The following CANT1 variants were observed in gnomAD, a reference collection of about 807,000 sequenced individuals.
The protein encoded by CANT1 is soluble calcium-activated nucleotidase 1.
Under a neutral mutation model 30.0 loss-of-function variants are expected in CANT1, and 26 were observed. The ratio of observed to expected loss-of-function variants is 0.87; its 90% CI spans 0.64 to 1.20. The LOEUF is 1.20. Ranked by LOEUF, CANT1 falls within the 50% of genes most tolerant of loss-of-function variation. The probability of loss-of-function intolerance (pLI) is 0.00; values close to 1 mark genes in which losing one functional copy is unlikely to be tolerated. For missense variants in CANT1, 518 were observed against 563.0 expected (o/e 0.92, Z 0.81); for synonymous variants, 246 against 251.8 (o/e 0.98, Z 0.22).
chr17:79,003,098 G>A (rs2071324650), intron 1 of CANT1, among the ~76,000 whole-genome samples: 1 of 151,720 alleles, frequency 6.6e-6, no homozygotes, highest in Non-Finnish European at 1.5e-5. Context: ...GTCCCGTGTG[G>A]TCAGTGTTAC....
intron 1 of CANT1, among the ~76,000 whole-genome samples, chr17:79,003,460 TG>T (rs1057094067): frequency 1.5e-5 from 1 of 65,624 alleles, no homozygotes; most frequent in Non-Finnish European, 2.8e-5. Flanking sequence ...GGGTGGGGGG[TG>T]GGGGGGCTCT....
chr17:79,003,837 A>C (rs1405917024), intron 1 of CANT1, among the ~76,000 whole-genome samples: 1 of 150,644 alleles, frequency 6.6e-6, no homozygotes, highest in African/African-American at 2.5e-5. Context: ...TCACAGGAGG[A>C]ATAACCACCT....
intron 1 of CANT1, among the ~76,000 whole-genome samples, chr17:78,999,208 CA>C (rs140465372): frequency 0.024 from 3,705 of 152,286 alleles, 60 homozygotes; most frequent in East Asian, 0.031. Context: ...CCTAACAGCA[CA>C]GGGGGGCTGC....
rs1198229784 is a variant in CANT1 at position 78,998,814 on chromosome 17, A to G, written c.-146-851T>C. Among the ~76,000 whole-genome samples, 4 of 152,180 alleles carry G rather than the reference A, an allele frequency of 2.6e-5. No homozygotes were observed. In the South Asian group the frequency reaches 8.3e-4, roughly 31 times the overall value. ...GGTTCCATATCTCTGCCCTCCAACT[A>G]TAGCTCAGTGAATCCCGGCCTGAGA... On this transcript the variant is annotated intron_variant, in intron 1 of 4. Transcript: ENST00000392446. This position sits in a 1 kb window ranked among gnomAD's most constrained non-coding sequence, Gnocchi z 4.5.
At position 78,995,382 on chromosome 17, in the gene CANT1, C is replaced by T. The variant is rs1488556395; in HGVS notation, c.632-161G>A. 5.5e-6 allele frequency: 4 copies of T among 732,950 alleles called. No homozygotes were observed. Among genetic ancestry groups the T allele is most frequent in the Non-Finnish European group, 9.2e-6 (4 of 436,790 alleles). The allele number at this position is 732,950 out of a possible 1,614,324, so 45.4% of individuals were successfully genotyped here. A position where few individuals can be genotyped will look rare whatever the true frequency, so the allele number is the denominator to read the frequency against. On this transcript the variant is annotated intron_variant, in intron 3 of 4. Transcript: ENST00000392446. This position sits in a 1 kb window ranked among gnomAD's most constrained non-coding sequence, Gnocchi z 5.7. The stretch of plus-strand genomic sequence containing the variant: ...GCCCGCACCTGGCTCCCGCCCAGGG[C>T]CGGCCGGCTGCCCTCCCCTCAGCTC...
rs981616917 is a variant in CANT1 at position 79,008,696 on chromosome 17, G to A, written c.-147+968C>T. 6.6e-6 allele frequency among the ~76,000 whole-genome samples: 1 copy of A among 152,210 alleles called. No individual in the cohort carries two copies. Among genetic ancestry groups the A allele is most frequent in the Admixed American group, 6.5e-5 (1 of 15,280 alleles). On this transcript the variant is annotated intron_variant, in intron 1 of 4. Transcript: ENST00000392446. This position sits in a 1 kb window ranked among gnomAD's most constrained non-coding sequence, Gnocchi z 4.4. ...TGTGCCAAGCCTAGGGTACACAGAGGGCAAGGGAAAGACCATTCGGAGGGA... is the reference window on the plus strand; with the variant it reads ...TGTGCCAAGCCTAGGGTACACAGAGAGCAAGGGAAAGACCATTCGGAGGGA...
rs2071622139 is a variant in CANT1 at position 79,008,286 on chromosome 17, G to A, written c.-147+1378C>T. 1 of 152,416 alleles carries A rather than the reference G, an allele frequency of 6.6e-6. No homozygotes were observed. The highest frequency in any genetic ancestry group is 1.5e-5 in the Non-Finnish European group (1 of 68,190). 9.4% of individuals were successfully genotyped at this position (152,416 alleles called of 1,614,324 possible). On this transcript the variant is annotated intron_variant, in intron 1 of 4. Transcript: ENST00000392446. This position sits in a 1 kb window ranked among gnomAD's most constrained non-coding sequence, Gnocchi z 4.4. Reference sequence around the variant, plus strand: ...CTGAGAGGCCTGCGGTGGGGCTGCAGGGAGGGTCTGTGGTCCAGGCCTGGA... The same window carrying A: ...CTGAGAGGCCTGCGGTGGGGCTGCAAGGAGGGTCTGTGGTCCAGGCCTGGA...
At position 79,002,438 on chromosome 17, in the gene CANT1, C is replaced by T. The variant is rs1459918454; in HGVS notation, c.-146-4475G>A. 6.6e-6 allele frequency among the ~76,000 whole-genome samples: 1 copy of T among 152,236 alleles called. No individual in the cohort carries two copies. The highest frequency in any genetic ancestry group is 1.5e-5 in the Non-Finnish European group (1 of 68,040). The stretch of plus-strand genomic sequence containing the variant: ...CTACCACCCGTGGGCCAAATGCAGT[C>T]TCCCGCCTAGTGTGTAGATGCGGCC... On this transcript the variant is annotated intron_variant, in intron 1 of 4. Coordinates refer to ENST00000392446, the MANE Select transcript of CANT1 (RefSeq NM_001159773.2). The surrounding 1 kb of genome is among the most constrained non-coding windows in gnomAD (Gnocchi z 4.0).
At position 78,992,314 on chromosome 17, in the gene CANT1, G is replaced by A; in HGVS notation, c.*1236C>T. The stretch of plus-strand genomic sequence containing the variant: ...GGCACCCCTGACGATCGCGGGGTGG[G>A]GTAGGAGTGAGGGTGGGGGTCGGGG... On this transcript the variant is annotated 3_prime_UTR_variant, in exon 5 of 5. Transcript: ENST00000392446. 4.2e-6 allele frequency: 1 copy of A among 240,326 alleles called. No homozygotes were observed. 14.9% of individuals were successfully genotyped at this position (240,326 alleles called of 1,614,324 possible).
At position 79,002,401 on chromosome 17, in the gene CANT1, G is replaced by A. The variant is rs2071296594; in HGVS notation, c.-146-4438C>T. Among the ~76,000 whole-genome samples the A allele has an allele frequency of 6.6e-6, 1 of 152,200 alleles. No individual in the cohort carries two copies. Among genetic ancestry groups the A allele is most frequent in the South Asian group, 2.1e-4 (1 of 4,830 alleles). ...CTACAAGTACCCTCTCGCCTGCTGG[G>A]AGGGTTGCAAACTACCACCCGTGGG... On this transcript the variant is annotated intron_variant, in intron 1 of 4. Coordinates refer to ENST00000392446, the MANE Select transcript of CANT1 (RefSeq NM_001159773.2). The surrounding 1 kb of genome is among the most constrained non-coding windows in gnomAD (Gnocchi z 4.0).
At position 78,996,569 on chromosome 17, in the gene CANT1, A is replaced by G. The variant is rs1048148410; in HGVS notation, c.631+423T>C. On this transcript the variant is annotated intron_variant, in intron 3 of 4. Coordinates refer to ENST00000392446, the MANE Select transcript of CANT1 (RefSeq NM_001159773.2). This position sits in a 1 kb window ranked among gnomAD's most constrained non-coding sequence, Gnocchi z 5.1. ...GCAGTTTACCCTTCAGTAACATGAA[A>G]CCAAAGTCTGGGTTTTGAGTGAGAA... is the stretch of plus-strand genomic sequence containing the variant. Among the ~76,000 whole-genome samples the G allele has an allele frequency of 6.6e-6, 1 of 152,118 alleles. No individual in the cohort carries two copies. Among genetic ancestry groups the G allele is most frequent in the African/African-American group, 2.4e-5 (1 of 41,418 alleles).
Position 78,996,949 on chromosome 17 carries a change from C to A in CANT1, c.631+43G>T. Reference sequence around the variant, plus strand: ...GTTTGCCAGCCAGGCCCTGAGCTCCCACTCCCCACCCACACCTCCATAAAA... The same window carrying A: ...GTTTGCCAGCCAGGCCCTGAGCTCCAACTCCCCACCCACACCTCCATAAAA... On this transcript the variant is annotated intron_variant, in intron 3 of 4. Coordinates refer to ENST00000392446, the MANE Select transcript of CANT1 (RefSeq NM_001159773.2). The surrounding 1 kb of genome is among the most constrained non-coding windows in gnomAD (Gnocchi z 5.1). 1 of 1,610,928 alleles carries A rather than the reference C, an allele frequency of 6.2e-7. No homozygotes were observed. Among genetic ancestry groups the A allele is most frequent in the African/African-American group, 1.3e-5 (1 of 75,050 alleles).
intron 4 of CANT1, among the ~76,000 whole-genome samples, chr17:78,994,382 G>A (rs574136942): frequency 1.1e-4 from 17 of 152,336 alleles, no homozygotes; most frequent in Admixed American, 1.1e-3. Flanking sequence ...TCCTGACTAG[G>A]GGGAGGCCAA....
chr17:79,005,142 AGG>A (rs1263570986), intron 1 of CANT1, among the ~76,000 whole-genome samples: 1 of 50,002 alleles, frequency 2.0e-5, no homozygotes, highest in Non-Finnish European at 3.3e-5. Flanking sequence ...GGATTTAGGG[AGG>A]GGGGAGTTAG....
rs980221533 is a variant in CANT1, at chr17:78,992,203, G to A, written c.*1347C>T. On this transcript the variant is annotated 3_prime_UTR_variant, in exon 5 of 5. Coordinates refer to ENST00000392446, the MANE Select transcript of CANT1 (RefSeq NM_001159773.2). ...GGGGTCCCTCCTCGCTGCCCTCCTC[G>A]CAGCTGTGCTTGAGTTTCAAAGGGG... 2.6e-5 allele frequency: 6 copies of A among 232,496 alleles called. No individual in the cohort carries two copies. The highest frequency in any genetic ancestry group is 1.8e-4 in the South Asian group (1 of 5,616). 14.4% of individuals were successfully genotyped at this position (232,496 alleles called of 1,614,324 possible).
chr17:78,994,940 G>T, intron 4 of CANT1, 78 bp downstream of exon 4: 1 of 1,451,848 alleles, frequency 6.9e-7, no homozygotes, highest in Non-Finnish European at 9.3e-7. Flanking sequence ...CGGTTTTGGA[G>T]GCAAATGCAG....
chr17:78,995,356 G>C lies in CANT1; in HGVS notation c.632-135C>G, dbSNP rs916479044. ...CCGGCTCCACACCTGCCTCCCCTCC[G>C]GCCCGCACCTGGCTCCCGCCCAGGG... On this transcript the variant is annotated intron_variant, in intron 3 of 4. Transcript: ENST00000392446. This position sits in a 1 kb window ranked among gnomAD's most constrained non-coding sequence, Gnocchi z 5.7. 2 of 949,836 alleles carry C rather than the reference G, an allele frequency of 2.1e-6. No individual in the cohort carries two copies. Among genetic ancestry groups the C allele is most frequent in the Admixed American group, 2.0e-5 (1 of 48,948 alleles). The allele number at this position is 949,836 out of a possible 1,614,324, so 58.8% of individuals were successfully genotyped here. A position where few individuals can be genotyped will look rare whatever the true frequency, so the allele number is the denominator to read the frequency against.
chr17:78,993,695 T>A lies in CANT1; in HGVS notation c.1061A>T (p.Asp354Val). The part of the protein sequence containing the change: ...FSSFKFIPNT[D>V]DQIIVALKSE... ...TTTGAGGGCCACAATGATCTGGTCG[T>A]CGGTGTTGGGGATGAACTTGAAGGA... The change falls in exon 5 of 5, where the codon GAC (aspartate) becomes GTC (valine). Residue 354 changes from aspartate (D) to valine (V), a missense_variant. Around this residue, in one of 3 missense-constraint regions of CANT1, gnomAD observed 221 missense variants for 211.8 expected, o/e 1.04. Coordinates refer to ENST00000392446, the MANE Select transcript of CANT1 (RefSeq NM_001159773.2). The surrounding 1 kb of genome is among the most constrained non-coding windows in gnomAD (Gnocchi z 4.5). 1 of 1,614,196 alleles carries A rather than the reference T, an allele frequency of 6.2e-7. No individual in the cohort carries two copies. Among genetic ancestry groups the A allele is most frequent in the South Asian group, 1.1e-5 (1 of 91,090 alleles).
intron 4 of CANT1, among the ~76,000 whole-genome samples, chr17:78,994,726 C>A (rs1250500956): frequency 1.3e-5 from 2 of 152,164 alleles, no homozygotes; most frequent in South Asian, 4.1e-4. Context: ...AGTTCGAGAC[C>A]ATCCTGGGCA....
Sources: allele counts gnomAD v4.1 joint callset (sites outside exome capture counted in the v4.1 genomes callset), GRCh38; gene constraint gnomAD v4.1.1; regional missense constraint gnomAD v4.1.1; non-coding constraint Gnocchi (gnomAD v3.1); transcripts MANE v1.5; gene names NCBI Gene and HGNC (gene_info 2026-07-23, HGNC 2026-07-21).